The following NELL2 variants were observed in gnomAD, a reference collection of about 807,000 sequenced individuals.
The protein encoded by NELL2 is neural EGFL like 2.
In NELL2, 41 loss-of-function variants were observed where a neutral mutation model predicts 109.6. The ratio of observed to expected loss-of-function variants is 0.37; its 90% CI spans 0.29 to 0.49. NELL2 has a LOEUF of 0.49. Among genes scored for constraint, NELL2 ranks in the 20% least tolerant of loss-of-function variants. The pLI, the probability that NELL2 is intolerant of heterozygous loss-of-function variation, is 0.98. For synonymous variants in NELL2, 355 were observed against 344.7 expected (o/e 1.03, Z -0.33); for missense variants, 900 against 1,008.3 (o/e 0.89, Z 1.45).
intron 1 of NELL2, among the ~76,000 whole-genome samples, chr12:44,901,555 C>T (rs1231483011): frequency 6.6e-6 from 1 of 152,104 alleles, no homozygotes; most frequent in Admixed American, 6.5e-5. Flanking sequence ...TTTATGAGGC[C>T]AGCCTCATCC....
At chr12:44,882,481 CATACACACACAT>C (rs1251346572) in intron 1 of NELL2, among the ~76,000 whole-genome samples, 2 of 150,720 alleles carry the variant, frequency 1.3e-5, no homozygotes, top group Non-Finnish European at 2.9e-5. Context: ...TGTATATATA[CATACACACACAT>C]ATACACACAC....
At chr12:44,739,960 A>G (rs754765671) in intron 9 of NELL2, among the ~76,000 whole-genome samples, 1 of 152,200 alleles carries the variant, frequency 6.6e-6, no homozygotes, top group Non-Finnish European at 1.5e-5. Context: ...TCATTTTCAT[A>G]TCATTTGTGG....
intron 12 of NELL2, among the ~76,000 whole-genome samples, chr12:44,685,719 T>G (rs935877454): frequency 2.0e-5 from 3 of 152,190 alleles, no homozygotes; most frequent in Non-Finnish European, 2.9e-5. Flanking sequence ...AAAATTCTTT[T>G]CTTTAAGAAT....
At chr12:44,700,431 T>G (rs778359698) in intron 12 of NELL2, among the ~76,000 whole-genome samples, 89 of 152,294 alleles carry the variant, frequency 5.8e-4, no homozygotes, top group Non-Finnish European at 1.0e-3. Context: ...TAGTGTGACC[T>G]TCAAGATCCT....
chr12:44,865,639 A>C, intron 2 of NELL2, among the ~76,000 whole-genome samples: 2 of 91,546 alleles, frequency 2.2e-5, no homozygotes, highest in South Asian at 1.0e-3. Flanking sequence ...CAAGAAGGGG[A>C]ATATCACACT....
chr12:44,638,286 T>C (rs914633464), intron 13 of NELL2, among the ~76,000 whole-genome samples: 1 of 152,144 alleles, frequency 6.6e-6, no homozygotes. Flanking sequence ...CTCACTTGAA[T>C]CTCATCTAAA....
intron 1 of NELL2, among the ~76,000 whole-genome samples, chr12:44,903,691 T>C (rs1225480007): frequency 1.3e-5 from 2 of 152,138 alleles, no homozygotes; most frequent in Admixed American, 1.3e-4. Flanking sequence ...ATATGCACTG[T>C]AGAATACTAT....
intron 19 of NELL2, among the ~76,000 whole-genome samples, chr12:44,517,402 TC>T (rs1941325321): frequency 6.7e-6 from 1 of 149,880 alleles, no homozygotes; most frequent in African/African-American, 2.5e-5. Context: ...TCTCTCTCTC[TC>T]TCTCTCTCTC....
At chr12:44,531,281 T>C (rs1209026436) in intron 16 of NELL2, among the ~76,000 whole-genome samples, 6 of 152,322 alleles carry the variant, frequency 3.9e-5, no homozygotes, top group Admixed American at 2.0e-4. Context: ...TTTATGTGCA[T>C]AAATTTTTTA....
At chr12:44,631,783 T>A (rs1425737588) in intron 13 of NELL2, among the ~76,000 whole-genome samples, 1 of 152,090 alleles carries the variant, frequency 6.6e-6, no homozygotes, top group African/African-American at 2.4e-5. Context: ...TGGTACACAG[T>A]CTTCTAAACA....
intron 9 of NELL2, among the ~76,000 whole-genome samples, chr12:44,754,056 T>C (rs1176292276): frequency 6.6e-6 from 1 of 152,170 alleles, no homozygotes; most frequent in Non-Finnish European, 1.5e-5. Context: ...ATTTAAACAT[T>C]AAAATGGTAT....
Position 44,682,536 on chromosome 12 carries a change from G to A in NELL2, c.1319-16927C>T, listed in dbSNP as rs553161610. The stretch of plus-strand genomic sequence containing the variant: ...GGTATTGCCTAGGTTTTCTTCTAGG[G>A]TTTTTATTGTTTTAGGTCTAACATT... On this transcript the variant is annotated intron_variant, in intron 12 of 19. Transcript: ENST00000429094. 2.5e-3 allele frequency among the ~76,000 whole-genome samples: 387 copies of A among 152,246 alleles called. 2 individuals carry two copies. Among genetic ancestry groups the A allele is most frequent in the South Asian group, 6.2e-3 (30 of 4,826 alleles).
chr12:44,690,404 G>T (rs1948862706), intron 12 of NELL2, among the ~76,000 whole-genome samples: 1 of 152,062 alleles, frequency 6.6e-6, no homozygotes, highest in Non-Finnish European at 1.5e-5. Flanking sequence ...ATCACCTGGA[G>T]ATCTTGTTAA....
At position 44,690,919 on chromosome 12, in the gene NELL2, C is replaced by G. The variant is rs189481984; in HGVS notation, c.1318+12807G>C. Among the ~76,000 whole-genome samples the G allele has an allele frequency of 2.6e-3, 391 of 152,314 alleles. 4 individuals carry two copies. Among genetic ancestry groups the G allele is most frequent in the Non-Finnish European group, 9.1e-4 (62 of 68,020 alleles). On this transcript the variant is annotated intron_variant, in intron 12 of 19. Transcript: ENST00000429094. ...CTTGTTCCTAGTGCTATTTAACATA[C>G]AGCTATATCACTAATTGATGACTTA...
chr12:44,895,901 C>T (rs11182737), intron 1 of NELL2, among the ~76,000 whole-genome samples: 3,007 of 152,222 alleles, frequency 0.02, 87 homozygotes, highest in East Asian at 0.15. Flanking sequence ...CACTGATAAA[C>T]ACTCAATTTA....
At chr12:44,587,307 A>ATATATATT (rs1302978950) in intron 15 of NELL2, among the ~76,000 whole-genome samples, 9 of 96,642 alleles carry the variant, frequency 9.3e-5, no homozygotes, top group African/African-American at 2.1e-4. Flanking sequence ...ATATATATAT[A>ATATATATT]TTTTTTTTTA....
At chr12:44,792,084 A>G (rs982316809) in intron 3 of NELL2, among the ~76,000 whole-genome samples, 10 of 152,216 alleles carry the variant, frequency 6.6e-5, no homozygotes, top group African/African-American at 2.4e-4. Flanking sequence ...GTGCCTCAAA[A>G]AAGAGGGAGT....
intron 1 of NELL2, among the ~76,000 whole-genome samples, chr12:44,919,335 A>G (rs1945852432): frequency 6.6e-6 from 1 of 151,910 alleles, no homozygotes; most frequent in Non-Finnish European, 1.5e-5. Context: ...ATATTAATAT[A>G]AAATAATATT....
intron 13 of NELL2, among the ~76,000 whole-genome samples, chr12:44,623,201 T>C (rs1190161383): frequency 3.3e-5 from 5 of 152,136 alleles, no homozygotes; most frequent in African/African-American, 9.7e-5. Flanking sequence ...AAATAATAGA[T>C]ACAACTGTAT....
Sources: gnomAD v4.1 joint callset for allele counts (sites outside exome capture counted in the v4.1 genomes callset) on GRCh38, gnomAD v4.1.1 for gene constraint, MANE v1.5 for transcripts, NCBI Gene and HGNC (gene_info 2026-07-23, HGNC 2026-07-21) for gene names.